The following CTIF variants were observed in gnomAD, a reference collection of about 807,000 sequenced individuals.
CTIF encodes CBP80/20-dependent translation initiation factor.
In CTIF, 21 loss-of-function variants were observed where a neutral mutation model predicts 66.0. The ratio of observed to expected loss-of-function variants is 0.32; its 90% confidence interval spans 0.23 to 0.46. CTIF has a LOEUF of 0.46. Among genes scored for constraint, CTIF ranks in the 20% least tolerant of loss-of-function variants. CTIF has a pLI of 1.00. For synonymous variants in CTIF, 345 were observed against 326.4 expected (o/e 1.06, Z -0.62); for missense variants, 739 against 812.7 (o/e 0.91, Z 1.10).
At chr18:48,620,977 G>GAA (rs71165338) in intron 2 of CTIF, among the ~76,000 whole-genome samples, 2 of 148,092 alleles carry the variant, frequency 1.4e-5, no homozygotes, top group South Asian at 2.1e-4. Flanking sequence ...TCCTGAGGGA[G>GAA]AAAAAAAAAA....
intron 9 of CTIF, among the ~76,000 whole-genome samples, chr18:48,810,721 T>C (rs1485473158): frequency 1.3e-5 from 2 of 151,724 alleles, no homozygotes; most frequent in Admixed American, 1.3e-4. Flanking sequence ...TATGTTTCTT[T>C]TTTTTTTCTT....
chr18:48,719,099 A>G (rs1027065569), intron 7 of CTIF, among the ~76,000 whole-genome samples: 1 of 151,852 alleles, frequency 6.6e-6, no homozygotes, highest in Non-Finnish European at 1.5e-5. Flanking sequence ...CTGACTTCTC[A>G]CTCTCAATAC....
chr18:48,567,658 TAGTC>T (rs1477357573), intron 1 of CTIF: 2 of 152,260 alleles, frequency 1.3e-5, no homozygotes, highest in African/African-American at 4.8e-5. Context: ...GTCTCCATGC[TAGTC>T]AGAAAGAAGT....
At chr18:48,592,907 G>A (rs116103851) in intron 1 of CTIF, among the ~76,000 whole-genome samples, 2,521 of 152,330 alleles carry the variant, frequency 0.017, 70 homozygotes, top group African/African-American at 0.058. Context: ...CTCTTGTTCC[G>A]GAGAGGCAGG....
intron 10 of CTIF, among the ~76,000 whole-genome samples, chr18:48,851,049 A>T (rs1178247718): frequency 6.6e-6 from 1 of 152,248 alleles, no homozygotes; most frequent in African/African-American, 2.4e-5. Flanking sequence ...GGCTTCATGC[A>T]GACTTTCCCA....
intron 9 of CTIF, among the ~76,000 whole-genome samples, chr18:48,810,043 G>A (rs541647340): frequency 6.6e-6 from 1 of 151,936 alleles, no homozygotes; most frequent in South Asian, 2.1e-4. Flanking sequence ...AACATTGTCT[G>A]GTAGAAGTAT....
intron 2 of CTIF, among the ~76,000 whole-genome samples, chr18:48,633,489 G>A (rs958783451): frequency 4.6e-5 from 7 of 152,086 alleles, no homozygotes; most frequent in African/African-American, 1.7e-4. Context: ...ATCACCTGAG[G>A]TCAGGAGTTT....
chr18:48,840,454 A>G (rs972747297), intron 10 of CTIF, among the ~76,000 whole-genome samples: 6 of 152,224 alleles, frequency 3.9e-5, no homozygotes, highest in African/African-American at 1.2e-4. Context: ...CGACTTAGAA[A>G]AAGAGTTGCC....
At chr18:48,553,966 T>A (rs190276731) in intron 1 of CTIF, among the ~76,000 whole-genome samples, 2 of 152,262 alleles carry the variant, frequency 1.3e-5, no homozygotes, top group Non-Finnish European at 2.9e-5. Flanking sequence ...CCTGATTCTC[T>A]GCGGCCCACT....
chr18:48,836,372 G>A (rs1220906434), intron 10 of CTIF, among the ~76,000 whole-genome samples: 1 of 152,168 alleles, frequency 6.6e-6, no homozygotes, highest in Non-Finnish European at 1.5e-5. Flanking sequence ...TAAGGGCTGT[G>A]TGGGCCCTGC....
chr18:48,589,678 C>A (rs1459746977), intron 1 of CTIF, among the ~76,000 whole-genome samples: 1 of 152,092 alleles, frequency 6.6e-6, no homozygotes, highest in Non-Finnish European at 1.5e-5. Context: ...ATTTAGCTGG[C>A]CTTTGAGGTT....
intron 9 of CTIF, among the ~76,000 whole-genome samples, chr18:48,785,004 C>T (rs150142898): frequency 2.6e-5 from 4 of 152,352 alleles, no homozygotes; most frequent in Admixed American, 6.5e-5. Flanking sequence ...TTGCTGCATG[C>T]GTGAGCATGG....
At chr18:48,560,130 A>G (rs1236750541) in intron 1 of CTIF, among the ~76,000 whole-genome samples, 1 of 152,008 alleles carries the variant, frequency 6.6e-6, no homozygotes, top group Non-Finnish European at 1.5e-5. Context: ...TCACTTCCAT[A>G]TACTACTGGT....
At chr18:48,619,850 G>A (rs2306514) in intron 2 of CTIF, 105 bp downstream of exon 2, 726,861 of 1,144,258 alleles carry the variant, frequency 0.64, 238,616 homozygotes, top group East Asian at 0.81. Flanking sequence ...AGACCGCCAA[G>A]GCATGAATGG....
intron 1 of CTIF, among the ~76,000 whole-genome samples, chr18:48,559,322 T>C (rs190877449): frequency 6.6e-6 from 1 of 152,252 alleles, no homozygotes; most frequent in East Asian, 1.9e-4. Flanking sequence ...TTTATTAATA[T>C]GATAGAATGT....
intron 1 of CTIF, among the ~76,000 whole-genome samples, chr18:48,545,332 G>T (rs1487596478): frequency 6.6e-6 from 1 of 152,194 alleles, no homozygotes; most frequent in Non-Finnish European, 1.5e-5. Context: ...GCCTTGCTTG[G>T]ATCGGAAGGG....
chr18:48,594,907 C>A (rs1027250427), intron 1 of CTIF, among the ~76,000 whole-genome samples: 2 of 152,178 alleles, frequency 1.3e-5, no homozygotes, highest in African/African-American at 4.8e-5. Context: ...GAGCTGAGGC[C>A]CTTGTCTTGA....
At chr18:48,858,632 T>C (rs1282679873) in intron 11 of CTIF, among the ~76,000 whole-genome samples, 1 of 152,066 alleles carries the variant, frequency 6.6e-6, no homozygotes, top group Admixed American at 6.6e-5. Flanking sequence ...ACTGAGATTC[T>C]ATAGAGAGGG....
chr18:48,840,462 G>A (rs1188317522), intron 10 of CTIF, among the ~76,000 whole-genome samples: 4 of 152,168 alleles, frequency 2.6e-5, no homozygotes, highest in Admixed American at 2.6e-4. Flanking sequence ...AAAAAGAGTT[G>A]CCCCATTATT....
Sources: allele counts gnomAD v4.1 joint callset (sites outside exome capture counted in the v4.1 genomes callset), GRCh38; gene constraint gnomAD v4.1.1; transcripts MANE v1.5; gene names NCBI Gene and HGNC (gene_info 2026-07-23, HGNC 2026-07-21).